Variants in LACTB observed in about 807,000 individuals in gnomAD.
LACTB encodes serine beta-lactamase-like protein LACTB, mitochondrial.
A neutral mutation model predicts 50.2 loss-of-function variants in LACTB; 35 were observed. The ratio of observed to expected loss-of-function variants is 0.70; its 90% CI spans 0.53 to 0.92. The LOEUF is 0.92. LACTB is among the 40% of genes least tolerant of loss of function. The probability of loss-of-function intolerance (pLI) is 0.00; values close to 1 mark genes in which losing one functional copy is unlikely to be tolerated. For synonymous variants in LACTB, 252 were observed against 268.2 expected, an observed-to-expected ratio of 0.94 and a Z score of 0.59; for missense variants, 664 against 691.8, an observed-to-expected ratio of 0.96 and a Z score of 0.45.
intron 1 of LACTB, 44 bp downstream of exon 1, chr15:63,122,272 C>A: frequency 2.0e-6 from 3 of 1,464,886 alleles, no homozygotes; most frequent in Non-Finnish European, 2.7e-6. Context: ...GGGGATCCAC[C>A]CCTGTCGGCG....
chr15:63,133,854 C>G (rs2037153563), intron 5 of LACTB, among the ~76,000 whole-genome samples: 1 of 151,986 alleles, frequency 6.6e-6, no homozygotes, highest in Non-Finnish European at 1.5e-5. Flanking sequence ...TTAGCAAATG[C>G]GATAAAGATT....
At chr15:63,122,282 G>A (rs1033387312) in intron 1 of LACTB, 54 bp downstream of exon 1, 2 of 1,415,722 alleles carry the variant, frequency 1.4e-6, no homozygotes, top group Admixed American at 2.5e-5. Context: ...CCCTGTCGGC[G>A]GTGCTGTCGG....
intron 2 of LACTB, 149 bp from the exon 3 acceptor site, chr15:63,126,710 C>T (rs1451988686): frequency 2.3e-6 from 1 of 439,288 alleles, no homozygotes; most frequent in East Asian, 3.5e-5. Flanking sequence ...TAATCCTTTA[C>T]ATGTCCAGTG....
At chr15:63,123,900 A>C (rs942729143) in intron 2 of LACTB, among the ~76,000 whole-genome samples, 1 of 152,146 alleles carries the variant, frequency 6.6e-6, no homozygotes, top group Non-Finnish European at 1.5e-5. Context: ...TCACAGGGAG[A>C]CGGTTAGGCC....
chr15:63,128,508 G>A (rs190352722), intron 4 of LACTB, among the ~76,000 whole-genome samples: 172 of 152,224 alleles, frequency 1.1e-3, no homozygotes, highest in African/African-American at 3.8e-3. Flanking sequence ...AGGCTGAGGC[G>A]GGAGGATCCC....
intron 4 of LACTB, 84 bp from the exon 5 acceptor site, chr15:63,129,401 A>T: frequency 8.1e-7 from 1 of 1,241,108 alleles, no homozygotes; most frequent in Admixed American, 2.9e-5. Context: ...AAAGTATGCC[A>T]ATTTTCAGTG....
chr15:63,141,898 A>C lies in LACTB; in HGVS notation c.*93A>C. The C allele has an allele frequency of 1.8e-6, 2 of 1,096,378 alleles. No individual in the cohort carries two copies. Among genetic ancestry groups the C allele is most frequent in the Non-Finnish European group, 2.6e-6 (2 of 775,780 alleles). 67.9% of individuals were successfully genotyped at this position (1,096,378 alleles called of 1,614,324 possible). On this transcript the variant is annotated 3_prime_UTR_variant, in exon 6 of 6. Coordinates refer to ENST00000261893, the MANE Select transcript of LACTB (RefSeq NM_032857.5). ...CATGACATTTTTAAGAATAAATTTG[A>C]AATAGAGTATAACTGAATGCAGAGA...
chr15:63,136,326 G>A (rs182678684), intron 5 of LACTB, among the ~76,000 whole-genome samples: 2 of 152,240 alleles, frequency 1.3e-5, no homozygotes, highest in Admixed American at 1.3e-4. Context: ...CGTGAGCCTA[G>A]CTCATTTTAT....
chr15:63,141,906 T>G lies in LACTB; in HGVS notation c.*101T>G. The stretch of plus-strand genomic sequence containing the variant: ...TTTTAAGAATAAATTTGAAATAGAG[T>G]ATAACTGAATGCAGAGAATTATGTA... On this transcript the variant is annotated 3_prime_UTR_variant, in exon 6 of 6. Transcript: ENST00000261893. The G allele has an allele frequency of 1.0e-6, 1 of 971,700 alleles. No homozygotes were observed. The highest frequency in any genetic ancestry group is 1.5e-6 in the Non-Finnish European group (1 of 668,058). The allele number at this position is 971,700 out of a possible 1,614,324, so 60.2% of individuals were successfully genotyped here. A position where few individuals can be genotyped will look rare whatever the true frequency, so the allele number is the denominator to read the frequency against.
chr15:63,133,100 T>A (rs2141075260), intron 5 of LACTB, among the ~76,000 whole-genome samples: 1 of 152,336 alleles, frequency 6.6e-6, no homozygotes, highest in South Asian at 2.1e-4. Flanking sequence ...TAATATTTTA[T>A]GGAGAGGCTT....
rs1400694052 is a variant in LACTB at position 63,129,539 on chromosome 15, A to C, written c.1007A>C (p.Glu336Ala). The C allele has an allele frequency of 6.2e-7, 1 of 1,613,170 alleles. No homozygotes were observed. The highest frequency in any genetic ancestry group is 1.3e-5 in the African/African-American group (1 of 75,008). ...TATACCCTACTGGCAGCCATAGTAG[A>C]GAGAGCTTCAGGATGTAAATATTTG... Reference protein sequence around the residue: ...FGYTLLAAIVERASGCKYLDY... With the variant: ...FGYTLLAAIVARASGCKYLDY... The change falls in exon 5 of 6, where the codon GAG becomes GCG. Residue 336 changes from glutamate (E) to alanine (A), a missense_variant. Coordinates refer to ENST00000261893, the MANE Select transcript of LACTB (RefSeq NM_032857.5).
At chr15:63,134,724 C>G (rs1048767411) in intron 5 of LACTB, among the ~76,000 whole-genome samples, 3 of 151,998 alleles carry the variant, frequency 2.0e-5, no homozygotes, top group Non-Finnish European at 2.9e-5. Context: ...GAAGAAGAGT[C>G]AATTTTGTGA....
intron 2 of LACTB, among the ~76,000 whole-genome samples, chr15:63,125,605 A>T (rs2037042495): frequency 6.6e-6 from 1 of 152,156 alleles, no homozygotes; most frequent in African/African-American, 2.4e-5. Flanking sequence ...AATATTTTTT[A>T]GATATTTAAG....
chr15:63,133,677 A>G (rs1286171269), intron 5 of LACTB, among the ~76,000 whole-genome samples: 1 of 152,230 alleles, frequency 6.6e-6, no homozygotes, highest in Non-Finnish European at 1.5e-5. Context: ...TGAAAGTGCT[A>G]AAAAATTTCC....
intron 5 of LACTB, among the ~76,000 whole-genome samples, chr15:63,137,128 T>G (rs906178293): frequency 3.3e-5 from 5 of 152,200 alleles, no homozygotes; most frequent in African/African-American, 1.2e-4. Flanking sequence ...TTGAATAAAA[T>G]TGGGATTTTC....
Position 63,127,415 on chromosome 15 carries a change from C to T in LACTB, c.678C>T (p.Asp226=), listed in dbSNP as rs2141070763. Residue 226 remains aspartate, a synonymous_variant, in exon 4 of 6, where the codon GAC becomes GAT. Coordinates refer to ENST00000261893, the MANE Select transcript of LACTB (RefSeq NM_032857.5). ...GTGGAATTCGTCATTATGAAAAGGACATAAAAAAGGTGAAAGAAGAGAAAG... is the reference window on the plus strand; with the variant it reads ...GTGGAATTCGTCATTATGAAAAGGATATAAAAAAGGTGAAAGAAGAGAAAG... ...HLSGIRHYEK[D]IKKVKEEKAY... 6.3e-7 allele frequency: 1 copy of T among 1,598,350 alleles called. No homozygotes were observed. The highest frequency in any genetic ancestry group is 2.2e-5 in the East Asian group (1 of 44,728).
intron 2 of LACTB, among the ~76,000 whole-genome samples, chr15:63,126,549 ATACTT>A (rs1161799434): frequency 2.6e-5 from 4 of 152,236 alleles, no homozygotes; most frequent in Non-Finnish European, 5.9e-5. Context: ...TCTTTAAAGA[ATACTT>A]TATTTAAAAT....
chr15:63,124,700 C>G (rs1276886503), intron 2 of LACTB, among the ~76,000 whole-genome samples: 2 of 152,124 alleles, frequency 1.3e-5, no homozygotes, highest in Non-Finnish European at 2.9e-5. Flanking sequence ...CGCCTGTAAT[C>G]CTAGCACTTT....
At chr15:63,122,504 C>G (rs1179801947) in intron 1 of LACTB, 132 bp from the exon 2 acceptor site, 2 of 798,356 alleles carry the variant, frequency 2.5e-6, no homozygotes, top group Non-Finnish European at 2.2e-6. Flanking sequence ...TGGCCTGGGA[C>G]GAGGTGGGCG....
Sources: gnomAD v4.1 joint callset for allele counts (sites outside exome capture counted in the v4.1 genomes callset) on GRCh38, gnomAD v4.1.1 for gene constraint, MANE v1.5 for transcripts, NCBI Gene and HGNC (gene_info 2026-07-23, HGNC 2026-07-21) for gene names.